TSPAN5: variants seen among roughly 807,000 people sequenced by gnomAD.
The protein encoded by TSPAN5 is tetraspanin-5.
A neutral mutation model predicts 37.1 loss-of-function variants in TSPAN5; 10 were observed. The ratio of observed to expected loss-of-function variants is 0.27; its 90% CI spans 0.17 to 0.46. The LOEUF is 0.46. Ranked by LOEUF, TSPAN5 falls within the 20% of genes least tolerant of loss-of-function variation. TSPAN5 has a pLI of 1.00. For missense variants in TSPAN5, 195 were observed against 326.6 expected, an observed-to-expected ratio of 0.60 and a Z score of 3.11; for synonymous variants, 110 against 118.9, an observed-to-expected ratio of 0.93 and a Z score of 0.48.
At chr4:98,639,198 C>T (rs922905781) in intron 1 of TSPAN5, among the ~76,000 whole-genome samples, 2 of 152,192 alleles carry the variant, frequency 1.3e-5, no homozygotes, top group Non-Finnish European at 2.9e-5. Context: ...TCAGCAACTC[C>T]TCCACATGAA....
intron 3 of TSPAN5, chr4:98,484,561 T>C (rs1176386900): frequency 4.4e-6 from 2 of 456,182 alleles, no homozygotes; most frequent in Non-Finnish European, 8.8e-6. Context: ...GAGAAATGTG[T>C]AGTTTTCTGC....
chr4:98,584,268 C>T (rs184631019), intron 1 of TSPAN5, among the ~76,000 whole-genome samples: 1 of 152,294 alleles, frequency 6.6e-6, no homozygotes, highest in Non-Finnish European at 1.5e-5. Context: ...AATAAGGACA[C>T]TTGAACTAAT....
At chr4:98,635,908 C>G (rs1756848942) in intron 1 of TSPAN5, among the ~76,000 whole-genome samples, 1 of 152,138 alleles carries the variant, frequency 6.6e-6, no homozygotes, top group Non-Finnish European at 1.5e-5. Context: ...TAGGGTCTCC[C>G]TAAATAATAG....
At chr4:98,613,882 C>T (rs927394842) in intron 1 of TSPAN5, among the ~76,000 whole-genome samples, 1 of 152,052 alleles carries the variant, frequency 6.6e-6, no homozygotes, top group Non-Finnish European at 1.5e-5. Flanking sequence ...AAATGACTCA[C>T]GCTGCATTTT....
chr4:98,484,180 C>A lies in TSPAN5; in HGVS notation c.280-2005G>T, dbSNP rs183527411. ...TTCATATAAAATATTTGGCAGATAC[C>A]TACATGCCCCAAGCCCTGTTGAGCT... On this transcript the variant is annotated intron_variant, in intron 3 of 7. Transcript: ENST00000305798. 1.1e-3 allele frequency: 312 copies of A among 277,578 alleles called. 1 individual carries two copies. The highest frequency in any genetic ancestry group is 5.8e-3 in the African/African-American group (263 of 45,566). 17.2% of individuals were successfully genotyped at this position (277,578 alleles called of 1,614,324 possible). A position where few individuals can be genotyped will look rare whatever the true frequency, so the allele number is the denominator to read the frequency against.
At chr4:98,523,458 A>T (rs951949155) in intron 1 of TSPAN5, among the ~76,000 whole-genome samples, 2 of 152,116 alleles carry the variant, frequency 1.3e-5, no homozygotes, top group Non-Finnish European at 2.9e-5. Flanking sequence ...TTTTTGAGAC[A>T]GAGTCTCCGT....
At chr4:98,489,505 C>T in intron 2 of TSPAN5, among the ~76,000 whole-genome samples, 1 of 152,124 alleles carries the variant, frequency 6.6e-6, no homozygotes, top group Non-Finnish European at 1.5e-5. Flanking sequence ...TCTGTTTTCA[C>T]TCTATTAAAT....
At chr4:98,473,074 C>A (rs986868900) in intron 7 of TSPAN5, among the ~76,000 whole-genome samples, 1 of 152,164 alleles carries the variant, frequency 6.6e-6, no homozygotes, top group African/African-American at 2.4e-5. Context: ...TTTATCTACT[C>A]CTCAGTTGAT....
rs1051289890 is a variant in TSPAN5 at position 98,658,582 on chromosome 4, G to A, written c.-356C>T. ...CCGGGCTTCGGGCAAAGGCGGCCGC[G>A]GCAGATGCTGGTGGAGACGCCGCTC... On this transcript the variant is annotated 5_prime_UTR_variant, in exon 1 of 8. Transcript: ENST00000305798. 6.3e-6 allele frequency: 1 copy of A among 158,924 alleles called. No individual in the cohort carries two copies. Among genetic ancestry groups the A allele is most frequent in the Non-Finnish European group, 1.4e-5 (1 of 72,838 alleles). 9.8% of individuals were successfully genotyped at this position (158,924 alleles called of 1,614,324 possible).
chr4:98,642,862 A>G (rs1275080052), intron 1 of TSPAN5, among the ~76,000 whole-genome samples: 1 of 152,242 alleles, frequency 6.6e-6, no homozygotes, highest in Non-Finnish European at 1.5e-5. Context: ...ATATTTCTGT[A>G]CAGCTGTACA....
At chr4:98,569,421 G>A (rs990898402) in intron 1 of TSPAN5, among the ~76,000 whole-genome samples, 1 of 152,158 alleles carries the variant, frequency 6.6e-6, no homozygotes, top group African/African-American at 2.4e-5. Context: ...ACACCGCCCT[G>A]CAGAACTCCT....
chr4:98,650,810 T>G (rs769582172), intron 1 of TSPAN5, among the ~76,000 whole-genome samples: 2 of 152,228 alleles, frequency 1.3e-5, no homozygotes, highest in Non-Finnish European at 2.9e-5. Flanking sequence ...GAACATCTTA[T>G]TCTGCCAGAG....
intron 3 of TSPAN5, chr4:98,483,006 G>A (rs1030034855): frequency 4.6e-5 from 7 of 152,214 alleles, no homozygotes; most frequent in Admixed American, 3.3e-4. Context: ...CCATCTAGAA[G>A]ACTCAGAAGA....
chr4:98,591,149 T>G (rs1199081051), intron 1 of TSPAN5, among the ~76,000 whole-genome samples: 3 of 150,862 alleles, frequency 2.0e-5, no homozygotes, highest in Non-Finnish European at 4.4e-5. Context: ...AGTTCTAAAG[T>G]GTCAACAAAA....
chr4:98,505,589 C>G (rs939553025), intron 2 of TSPAN5, among the ~76,000 whole-genome samples: 3 of 152,242 alleles, frequency 2.0e-5, no homozygotes, highest in African/African-American at 4.8e-5. Context: ...CCACCACTCT[C>G]TAACTTGATG....
At chr4:98,527,734 A>C (rs1193488021) in intron 1 of TSPAN5, among the ~76,000 whole-genome samples, 4 of 152,204 alleles carry the variant, frequency 2.6e-5, no homozygotes, top group Non-Finnish European at 5.9e-5. Flanking sequence ...CTAACGGTGT[A>C]ATCTATGAAG....
At chr4:98,559,484 G>C (rs1203464512) in intron 1 of TSPAN5, among the ~76,000 whole-genome samples, 5 of 152,106 alleles carry the variant, frequency 3.3e-5, no homozygotes, top group Non-Finnish European at 7.3e-5. Context: ...TCACAAGAGG[G>C]TTTAAGCCTT....
At chr4:98,613,091 A>G (rs1224428379) in intron 1 of TSPAN5, among the ~76,000 whole-genome samples, 1 of 151,774 alleles carries the variant, frequency 6.6e-6, no homozygotes, top group Non-Finnish European at 1.5e-5. Context: ...GCCCAGGCCC[A>G]GAACTGGAGA....
At chr4:98,518,264 C>T (rs1398618737) in intron 1 of TSPAN5, among the ~76,000 whole-genome samples, 1 of 152,098 alleles carries the variant, frequency 6.6e-6, no homozygotes. Flanking sequence ...TAGAATTATT[C>T]TTTAAGGTAA....
Sources: allele counts gnomAD v4.1 joint callset (sites outside exome capture counted in the v4.1 genomes callset), GRCh38; gene constraint gnomAD v4.1.1; transcripts MANE v1.5; gene names NCBI Gene and HGNC (gene_info 2026-07-23, HGNC 2026-07-21).